Variants in IQSEC1 observed in about 807,000 individuals in gnomAD.
IQSEC1 encodes IQ motif and Sec7 domain ArfGEF 1.
Under a neutral mutation model 91.0 loss-of-function variants are expected in IQSEC1, and 31 were observed. The observed-to-expected ratio is 0.34, with a 90% confidence interval of 0.26 to 0.46. IQSEC1 has a LOEUF of 0.46. Among genes scored for constraint, IQSEC1 ranks in the 20% least tolerant of loss-of-function variants. IQSEC1 has a pLI of 1.00. For synonymous variants in IQSEC1, 699 were observed against 662.6 expected, an observed-to-expected ratio of 1.05 and a Z score of -0.84; for missense variants, 1,388 against 1,575.6, an observed-to-expected ratio of 0.88 and a Z score of 2.02.
chr3:13,057,190 C>T (rs1704909192), intron 1 of IQSEC1, among the ~76,000 whole-genome samples: 2 of 152,224 alleles, frequency 1.3e-5, no homozygotes, highest in Non-Finnish European at 2.9e-5. Context: ...AACTCACTCT[C>T]TGGCCATTCG....
At chr3:13,155,998 T>C (rs1707079665) in intron 2 of IQSEC1, among the ~76,000 whole-genome samples, 1 of 151,562 alleles carries the variant, frequency 6.6e-6, no homozygotes, top group South Asian at 2.1e-4. Flanking sequence ...GCGGGTGGAT[T>C]ACCTGAGGTC....
intron 1 of IQSEC1, among the ~76,000 whole-genome samples, chr3:13,252,815 C>G (rs780973327): frequency 6.6e-6 from 1 of 152,154 alleles, no homozygotes; most frequent in Non-Finnish European, 1.5e-5. Context: ...TCACTGCCAG[C>G]TCCGCTTCCC....
intron 2 of IQSEC1, among the ~76,000 whole-genome samples, chr3:13,162,848 C>T (rs1707202850): frequency 6.6e-6 from 1 of 152,116 alleles, no homozygotes; most frequent in Non-Finnish European, 1.5e-5. Context: ...CCTGCTGCCC[C>T]CTCCCTCGGA....
chr3:13,260,799 C>T (rs1695369750), intron 1 of IQSEC1, among the ~76,000 whole-genome samples: 1 of 152,210 alleles, frequency 6.6e-6, no homozygotes, highest in African/African-American at 2.4e-5. Context: ...TGTCCTGGGG[C>T]CCGGGAGACA....
rs1034288521 is a variant in IQSEC1 at position 13,141,840 on chromosome 3, C to T, written c.302+22264G>A. ...GGATGATGGATGGGCTCCATGGAACCGTCACTTCATCTTCTCCTCCTCTCC... is the reference window on the plus strand; with the variant it reads ...GGATGATGGATGGGCTCCATGGAACTGTCACTTCATCTTCTCCTCCTCTCC... On this transcript the variant is annotated intron_variant, in intron 2 of 15. Transcript: ENST00000648114. 3.9e-5 allele frequency among the ~76,000 whole-genome samples: 6 copies of T among 152,296 alleles called. No homozygotes were observed. The East Asian group carries it at 5.8e-4, about 15-fold the overall frequency.
intron 2 of IQSEC1, among the ~76,000 whole-genome samples, chr3:13,081,459 G>A (rs752376154): frequency 8.6e-5 from 13 of 151,710 alleles, no homozygotes; most frequent in South Asian, 2.1e-4. Flanking sequence ...TATAGAGATA[G>A]GGTCTCCCTT....
chr3:13,064,835 C>T (rs769074829), intron 1 of IQSEC1, among the ~76,000 whole-genome samples: 1 of 152,256 alleles, frequency 6.6e-6, no homozygotes, highest in South Asian at 2.1e-4. Flanking sequence ...TCCTGCACAA[C>T]CTAGGCTGGC....
At chr3:13,224,982 C>T (rs772122110) in intron 1 of IQSEC1, among the ~76,000 whole-genome samples, 1 of 152,262 alleles carries the variant, frequency 6.6e-6, no homozygotes, top group Non-Finnish European at 1.5e-5. Flanking sequence ...GTACTCATAG[C>T]TCCCCTGCCC....
chr3:13,047,382 C>G, intron 1 of IQSEC1: 1 of 638,940 alleles, frequency 1.6e-6, no homozygotes, highest in Non-Finnish European at 1.9e-6. Context: ...GCTAATTTCC[C>G]CCAAAGGGCT....
Position 12,922,286 on chromosome 3 carries a change from T to G in IQSEC1, c.1731-44A>C, listed in dbSNP as rs778534982. On this transcript the variant is annotated intron_variant, in intron 4 of 13. Coordinates refer to ENST00000613206, the MANE Select transcript of IQSEC1 (RefSeq NM_001134382.3). This position sits in a 1 kb window ranked among gnomAD's most constrained non-coding sequence, Gnocchi z 5.1. The stretch of plus-strand genomic sequence containing the variant: ...GCCCCGCATAAGCACCCCTTGCAGG[T>G]GCGACACGCCCAGCCCACCCCCAGG... The G allele has an allele frequency of 6.7e-7, 1 of 1,495,236 alleles. No individual in the cohort carries two copies. The highest frequency in any genetic ancestry group is 2.0e-5 in the Admixed American group (1 of 50,928). The allele number at this position is 1,495,236 out of a possible 1,614,324, so 92.6% of individuals were successfully genotyped here.
chr3:13,217,251 G>A (rs1367187474), intron 1 of IQSEC1, among the ~76,000 whole-genome samples: 1 of 152,198 alleles, frequency 6.6e-6, no homozygotes, highest in African/African-American at 2.4e-5. Flanking sequence ...GATCCCTCAT[G>A]CATTTACATC....
intron 1 of IQSEC1, among the ~76,000 whole-genome samples, chr3:13,188,964 C>A (rs1693976740): frequency 6.6e-6 from 1 of 152,222 alleles, no homozygotes; most frequent in Non-Finnish European, 1.5e-5. Flanking sequence ...TCACTTCAAG[C>A]CTGGGACCCA....
At chr3:12,987,308 C>A (rs762713882) in intron 1 of IQSEC1, among the ~76,000 whole-genome samples, 2 of 152,202 alleles carry the variant, frequency 1.3e-5, no homozygotes, top group Admixed American at 6.5e-5. Context: ...TGCCTTGTAG[C>A]GAGAGGTATG....
intron 6 of IQSEC1, among the ~76,000 whole-genome samples, chr3:12,917,587 C>G (rs190762348): frequency 6.6e-6 from 1 of 152,220 alleles, no homozygotes; most frequent in Non-Finnish European, 1.5e-5. Flanking sequence ...ACTTCTCTTT[C>G]GTGCTGAGCA....
At chr3:13,224,987 C>T (rs60969883) in intron 1 of IQSEC1, among the ~76,000 whole-genome samples, 39,242 of 152,220 alleles carry the variant, frequency 0.26, 5,323 homozygotes, top group Non-Finnish European at 0.31. Flanking sequence ...CATAGCTCCC[C>T]TGCCCAGATA....
At chr3:13,113,307 A>G (rs1706281161) in intron 2 of IQSEC1, among the ~76,000 whole-genome samples, 2 of 152,216 alleles carry the variant, frequency 1.3e-5, no homozygotes, top group African/African-American at 2.4e-5. Context: ...TCAATATGGA[A>G]GAGGCAGCAG....
intron 2 of IQSEC1, among the ~76,000 whole-genome samples, chr3:13,143,133 A>C (rs574341404): frequency 6.6e-6 from 1 of 152,336 alleles, no homozygotes; most frequent in Admixed American, 6.5e-5. Context: ...CTAGAGTGTC[A>C]GCTCCTGGAG....
Position 12,983,076 on chromosome 3 carries a change from G to A in IQSEC1, c.24-41211C>T, listed in dbSNP as rs192994283. ...TGAGGAGTGCTATTGCTCACTGGGG[G>A]CTCCTGAGGGCCTTCCCCACTGTAA... is the stretch of plus-strand genomic sequence containing the variant. On this transcript the variant is annotated intron_variant, in intron 1 of 13. Coordinates refer to ENST00000613206, the MANE Select transcript of IQSEC1 (RefSeq NM_001134382.3). This position sits in a 1 kb window ranked among gnomAD's most constrained non-coding sequence, Gnocchi z 4.3. Among the ~76,000 whole-genome samples, 1 of 152,236 alleles carries A rather than the reference G, an allele frequency of 6.6e-6. No homozygotes were observed. Among genetic ancestry groups the A allele is most frequent in the East Asian group, 1.9e-4 (1 of 5,168 alleles).
At chr3:13,205,235 T>C (rs1005657571) in intron 1 of IQSEC1, among the ~76,000 whole-genome samples, 5 of 152,084 alleles carry the variant, frequency 3.3e-5, no homozygotes, top group South Asian at 2.1e-4. Context: ...GACGTGTTCA[T>C]GTTCTCAAAA....
Sources: gnomAD v4.1 joint callset for allele counts (sites outside exome capture counted in the v4.1 genomes callset) on GRCh38, gnomAD v4.1.1 for gene constraint, Gnocchi (gnomAD v3.1) non-coding constraint, MANE v1.5 for transcripts, NCBI Gene and HGNC (gene_info 2026-07-23, HGNC 2026-07-21) for gene names.